The following MGAM variants were observed in gnomAD, a reference collection of about 807,000 sequenced individuals.
MGAM encodes maltase-glucoamylase, also known as alpha-1,4-glucosidase.
A neutral mutation model predicts 358.8 loss-of-function variants in MGAM; 253 were observed. That is an observed-to-expected ratio of 0.71 (90% CI 0.64 to 0.78). MGAM has a LOEUF of 0.78. Ranked by LOEUF, MGAM falls within the 30% of genes least tolerant of loss-of-function variation. The pLI, the probability that MGAM is intolerant of heterozygous loss-of-function variation, is 0.00. For synonymous variants in MGAM, 1,105 were observed against 1,227.1 expected (o/e 0.90, Z 2.08); for missense variants, 3,080 against 3,432.6 (o/e 0.90, Z 2.57).
intron 34 of MGAM, among the ~76,000 whole-genome samples, chr7:142,061,887 A>G (rs994695927): frequency 2.6e-5 from 4 of 152,186 alleles, no homozygotes; most frequent in Non-Finnish European, 5.9e-5. Flanking sequence ...TATAAAACAA[A>G]CTTCTTACTC....
rs1337023230 is a variant in MGAM, at chr7:142,043,623, A to C, written c.2498+2777A>C. ...ACATATAATATCTAATATATAATAC[A>C]TATATTATATATACATATACTATCT... On this transcript the variant is annotated intron_variant, in intron 21 of 70. Coordinates refer to ENST00000475668, the MANE Select transcript of MGAM (RefSeq NM_001365693.1). 3.4e-5 allele frequency among the ~76,000 whole-genome samples: 4 copies of C among 116,678 alleles called. 1 individual carries two copies. Among genetic ancestry groups the C allele is most frequent in the African/African-American group, 1.9e-4 (4 of 21,314 alleles). 76.5% of individuals were successfully genotyped at this position (116,678 alleles called of 152,430 possible).
chr7:142,079,881 A>G (rs147931966), intron 49 of MGAM, among the ~76,000 whole-genome samples: 3 of 146,530 alleles, frequency 2.0e-5, no homozygotes, highest in South Asian at 4.3e-4. Flanking sequence ...TTGTACCCTC[A>G]TCATAGCACT....
rs889872688 is a variant in MGAM, at chr7:142,078,598, T to C, written c.5646+128T>C. The stretch of plus-strand genomic sequence containing the variant: ...AAAGGACTTCCTAAGGGACATGATC[T>C]GGATGTGACAAGTAGGTGGGGACAT... On this transcript the variant is annotated intron_variant, in intron 48 of 70. Transcript: ENST00000475668. The C allele has an allele frequency of 5.3e-6, 6 of 1,138,438 alleles. 1 individual carries two copies. The African/African-American group carries it at 7.5e-5, about 14-fold the overall frequency. 70.5% of individuals were successfully genotyped at this position (1,138,438 alleles called of 1,614,324 possible). A position where few individuals can be genotyped will look rare whatever the true frequency, so the allele number is the denominator to read the frequency against.
At chr7:142,042,016 T>A (rs1211322783) in intron 21 of MGAM, among the ~76,000 whole-genome samples, 2 of 22,056 alleles carry the variant, frequency 9.1e-5, no homozygotes, top group Admixed American at 9.3e-4. Context: ...TATAATATAA[T>A]ATATATATAT....
intron 2 of MGAM, among the ~76,000 whole-genome samples, chr7:141,987,527 T>C (rs10225228): frequency 0.097 from 14,672 of 152,008 alleles, 1,392 homozygotes; most frequent in African/African-American, 0.25. Context: ...TCAGCTGAGA[T>C]CAGAGTGTTA....
chr7:142,103,210 G>A, intron 69 of MGAM, 59 bp from the exon 70 acceptor site: 2 of 1,384,544 alleles, frequency 1.4e-6, no homozygotes, highest in African/African-American at 1.5e-5. Flanking sequence ...CTAAAAAGAG[G>A]TTAGAAAAAT....
At chr7:142,077,795 T>TA (rs1221524691) in intron 47 of MGAM, among the ~76,000 whole-genome samples, 4 of 145,460 alleles carry the variant, frequency 2.7e-5, no homozygotes, top group African/African-American at 7.3e-5. Context: ...AATTAAAAAT[T>TA]AAAAAAAGAA....
intron 19 of MGAM, 99 bp from the exon 20 acceptor site, chr7:142,040,016 C>A: frequency 2.2e-6 from 2 of 902,688 alleles, no homozygotes; most frequent in Non-Finnish European, 3.6e-6. Flanking sequence ...AATAGCAGGG[C>A]ATTCCTGCCC....
intron 13 of MGAM, 35 bp from the exon 14 acceptor site, chr7:142,032,790 C>G (rs1328975508): frequency 2.9e-6 from 4 of 1,360,738 alleles, no homozygotes; most frequent in Non-Finnish European, 4.1e-6. Context: ...TAACATGTTA[C>G]TTTTTCTTAA....
chr7:142,022,876 G>A (rs888674587), intron 7 of MGAM, among the ~76,000 whole-genome samples: 5 of 152,092 alleles, frequency 3.3e-5, no homozygotes, highest in Admixed American at 3.3e-4. Context: ...CATCACAATA[G>A]GATAAAGTCT....
Position 141,998,523 on chromosome 7 carries a change from T to C in MGAM, c.-3+2593T>C, listed in dbSNP as rs577108551. Among the ~76,000 whole-genome samples the C allele has an allele frequency of 3.0e-4, 46 of 152,342 alleles. No homozygotes were observed. In the South Asian group the frequency reaches 9.1e-3, roughly 30 times the overall value. ...CATGTAGTGTTTGGTTTTCTGTTCC[T>C]GTGTTAGTTTGCTGAGAATGATGGC... On this transcript the variant is annotated intron_variant, in intron 1 of 70. Transcript: ENST00000475668.
chr7:142,064,727 G>T (rs1033533898), intron 37 of MGAM, among the ~76,000 whole-genome samples: 1 of 152,164 alleles, frequency 6.6e-6, no homozygotes, highest in African/African-American at 2.4e-5. Context: ...ATTTAAATAA[G>T]GCATGGTCCC....
intron 1 of MGAM, among the ~76,000 whole-genome samples, chr7:142,002,928 A>G (rs782686733): frequency 2.4e-4 from 37 of 152,092 alleles, no homozygotes; most frequent in Non-Finnish European, 5.4e-4. Context: ...ATTTCCATAC[A>G]CCAGTAACAA....
intron 1 of MGAM, among the ~76,000 whole-genome samples, chr7:141,999,379 G>A (rs183429367): frequency 1.3e-5 from 2 of 152,198 alleles, no homozygotes; most frequent in African/African-American, 4.8e-5. Flanking sequence ...GGTGTACACT[G>A]TGGGGCATTA....
chr7:142,055,771 C>T (rs1196177404), intron 28 of MGAM, 45 bp downstream of exon 28: 2 of 1,609,246 alleles, frequency 1.2e-6, no homozygotes, highest in East Asian at 2.2e-5. Context: ...TTCTCTCCAC[C>T]CACACTGCTC....
At chr7:142,098,250 G>A (rs575483894) in intron 66 of MGAM, among the ~76,000 whole-genome samples, 1 of 152,212 alleles carries the variant, frequency 6.6e-6, no homozygotes, top group African/African-American at 2.4e-5. Context: ...CATAGTTTCT[G>A]TGCTATTATG....
chr7:142,003,177 C>G (rs1804865772), intron 1 of MGAM, among the ~76,000 whole-genome samples: 1 of 152,002 alleles, frequency 6.6e-6, no homozygotes, highest in Admixed American at 6.6e-5. Context: ...CAATTGTTAT[C>G]AAATTACCAA....
intron 18 of MGAM, among the ~76,000 whole-genome samples, chr7:142,038,061 C>T (rs1396135620): frequency 6.6e-6 from 1 of 152,028 alleles, no homozygotes; most frequent in Non-Finnish European, 1.5e-5. Context: ...CCCTCACTAC[C>T]CTTCCCAGCC....
In MGAM at chr7:142,095,591, T is replaced by G; in HGVS notation, c.7485T>G (p.Val2495=). 6.2e-7 allele frequency: 1 copy of G among 1,613,762 alleles called. No homozygotes were observed. The highest frequency in any genetic ancestry group is 1.1e-5 in the South Asian group (1 of 91,072). Residue 2495 remains valine, a synonymous_variant, in exon 64 of 71, where the codon GTT becomes GTG. Transcript: ENST00000475668. The stretch of plus-strand genomic sequence containing the variant: ...GACAAGACCCTGTGTCCTGGGATGT[T>G]GCTTTTGTGAATATTTCCAGAACTG... ...TRRQDPVSWD[V]AFVNISRTVL...
Sources: gnomAD v4.1 joint callset for allele counts (sites outside exome capture counted in the v4.1 genomes callset) on GRCh38, gnomAD v4.1.1 for gene constraint, MANE v1.5 for transcripts, NCBI Gene and HGNC (gene_info 2026-07-23, HGNC 2026-07-21) for gene names.